The following ZMAT3 variants were observed in gnomAD, a reference collection of about 807,000 sequenced individuals.
The protein encoded by ZMAT3 is zinc finger matrin-type protein 3.
A neutral mutation model predicts 32.3 loss-of-function variants in ZMAT3; 17 were observed. The ratio of observed to expected loss-of-function variants is 0.53; its 90% CI spans 0.36 to 0.79. ZMAT3 has a LOEUF of 0.79. ZMAT3 is among the 30% of genes least tolerant of loss of function. The probability of loss-of-function intolerance (pLI) is 0.00; values close to 1 mark genes in which losing one functional copy is unlikely to be tolerated. For missense variants in ZMAT3, 329 were observed against 359.7 expected (o/e 0.91, Z 0.69); for synonymous variants, 120 against 133.1 (o/e 0.90, Z 0.68).
chr3:179,049,382 C>G (rs1720419030), intron 2 of ZMAT3, among the ~76,000 whole-genome samples: 1 of 152,194 alleles, frequency 6.6e-6, no homozygotes, highest in South Asian at 2.1e-4. Context: ...TTCATCAGCA[C>G]ATGGAACATT....
At chr3:179,042,311 T>C (rs1017201720) in intron 2 of ZMAT3, among the ~76,000 whole-genome samples, 3 of 152,200 alleles carry the variant, frequency 2.0e-5, no homozygotes, top group Admixed American at 6.5e-5. Flanking sequence ...TAAACATGGA[T>C]GCGAAAATCC....
intron 3 of ZMAT3, 32 bp downstream of exon 3, chr3:179,030,848 A>G (rs950706325): frequency 1.1e-5 from 18 of 1,598,966 alleles, no homozygotes; most frequent in Admixed American, 1.7e-5. Context: ...CTTCCACCCT[A>G]ATGCTGCTTC....
chr3:179,036,189 G>A (rs564989606), intron 2 of ZMAT3, among the ~76,000 whole-genome samples: 14 of 152,290 alleles, frequency 9.2e-5, no homozygotes, highest in African/African-American at 3.4e-4. Flanking sequence ...TGGAAGCTGG[G>A]AAGATACACA....
intron 2 of ZMAT3, among the ~76,000 whole-genome samples, chr3:179,054,596 C>T (rs1012146701): frequency 1.3e-5 from 2 of 152,272 alleles, no homozygotes; most frequent in African/African-American, 2.4e-5. Flanking sequence ...TATGAGGCTA[C>T]CCTCTTTGGG....
intron 2 of ZMAT3, among the ~76,000 whole-genome samples, chr3:179,032,064 G>A (rs1415757451): frequency 0.5 from 1 of 2 alleles, no homozygotes; most frequent in Admixed American, 0.5. Context: ...TCCGAGGCTG[G>A]ACTGCTTGCC....
chr3:179,068,454 G>A (rs917733612), intron 1 of ZMAT3, among the ~76,000 whole-genome samples: 2 of 152,072 alleles, frequency 1.3e-5, no homozygotes, highest in Non-Finnish European at 2.9e-5. Flanking sequence ...AGAGGTGGTC[G>A]TGAGCCGAGA....
At position 179,023,437 on chromosome 3, in the gene ZMAT3, T is replaced by C. The variant is rs1321275129; in HGVS notation, c.*1580A>G. The stretch of plus-strand genomic sequence containing the variant: ...GAAACGAAGATAGTGAAACTTTATT[T>C]GCTTTTTAAAAAATTCCTCTGTGTA... On this transcript the variant is annotated 3_prime_UTR_variant, in exon 6 of 6. Coordinates refer to ENST00000311417, the MANE Select transcript of ZMAT3 (RefSeq NM_022470.4). The C allele has an allele frequency of 6.6e-6, 1 of 151,634 alleles. No homozygotes were observed. The highest frequency in any genetic ancestry group is 2.4e-5 in the African/African-American group (1 of 41,324). 9.4% of individuals were successfully genotyped at this position (151,634 alleles called of 1,614,324 possible). A position where few individuals can be genotyped will look rare whatever the true frequency, so the allele number is the denominator to read the frequency against.
chr3:179,067,731 C>T lies in ZMAT3; in HGVS notation c.22G>A (p.Val8Met), dbSNP rs761840300. The T allele has an allele frequency of 8.1e-6, 13 of 1,613,902 alleles. No homozygotes were observed. The highest frequency in any genetic ancestry group is 6.7e-5 in the African/African-American group (5 of 74,884). The stretch of plus-strand genomic sequence containing the variant: ...GAGGGCTGCTTAGGTGGAGGAAGCA[C>T]GGCGTGTTGCAAGAGGATCATTGGG... MILLQHAVLPPPKQPSPS... is the reference protein window; with the variant it reads MILLQHAMLPPPKQPSPS... The change falls in exon 2 of 6, where the codon GTG becomes ATG. Residue 8 changes from valine (V) to methionine (M), a missense_variant. By Grantham distance (21) the Val-to-Met change is conservative. Transcript: ENST00000311417.
chr3:179,045,470 C>T (rs1454281067), intron 2 of ZMAT3, among the ~76,000 whole-genome samples: 1 of 152,052 alleles, frequency 6.6e-6, no homozygotes, highest in African/African-American at 2.4e-5. Context: ...ACTCTAGGGC[C>T]ATGCATGGAA....
At chr3:179,038,951 C>T (rs1007408196) in intron 2 of ZMAT3, among the ~76,000 whole-genome samples, 1 of 152,272 alleles carries the variant, frequency 6.6e-6, no homozygotes, top group Non-Finnish European at 1.5e-5. Context: ...CAGAGCCTCA[C>T]TCACTGCTAG....
chr3:179,057,793 G>C (rs1350734133), intron 2 of ZMAT3, among the ~76,000 whole-genome samples: 1 of 152,214 alleles, frequency 6.6e-6, no homozygotes, highest in Admixed American at 6.5e-5. Flanking sequence ...TTCCTTAACG[G>C]GTTTCTGCCG....
At chr3:179,070,572 G>C (rs918735493) in intron 1 of ZMAT3, among the ~76,000 whole-genome samples, 1 of 152,096 alleles carries the variant, frequency 6.6e-6, no homozygotes, top group Non-Finnish European at 1.5e-5. Context: ...ATAAAACCAA[G>C]TCTTCAGTGA....
At position 179,046,493 on chromosome 3, in the gene ZMAT3, G is replaced by A. The variant is rs952265133; in HGVS notation, c.271-15494C>T. Among the ~76,000 whole-genome samples the A allele has an allele frequency of 3.3e-5, 5 of 152,176 alleles. No homozygotes were observed. Among genetic ancestry groups the A allele is most frequent in the East Asian group, 1.9e-4 (1 of 5,186 alleles). ...TACAGCAGGAACATACCAGGAAAGC[G>A]GAGGGTATTCACAGGCCCTTTGAAG... On this transcript the variant is annotated intron_variant, in intron 2 of 5. Transcript: ENST00000311417. The surrounding 1 kb of genome is among the most constrained non-coding windows in gnomAD (Gnocchi z 4.3).
Position 179,067,521 on chromosome 3 carries a change from T to G in ZMAT3, c.232A>C (p.Thr78Pro), listed in dbSNP as rs749527644. Residue 78 changes from threonine (T) to proline (P), a missense_variant, in exon 2 of 6, where the codon ACC becomes CCC. Thr to Pro is a conservative substitution (Grantham distance 38, BLOSUM62 -1). Coordinates refer to ENST00000311417, the MANE Select transcript of ZMAT3 (RefSeq NM_022470.4). ...TGGGCTTGCTGTGCAGAGTTCAAGG[T>G]GACATTGCAGAGTTTGCAGTACAGG... ...KPLYCKLCNVTLNSAQQAQAH... is the reference protein window; with the variant it reads ...KPLYCKLCNVPLNSAQQAQAH... 18 of 1,614,196 alleles carry G rather than the reference T, an allele frequency of 1.1e-5. No homozygotes were observed. Among genetic ancestry groups the G allele is most frequent in the Non-Finnish European group, 1.5e-5 (18 of 1,180,038 alleles).
At chr3:179,041,607 A>G (rs1719932654) in intron 2 of ZMAT3, among the ~76,000 whole-genome samples, 1 of 152,226 alleles carries the variant, frequency 6.6e-6, no homozygotes, top group Admixed American at 6.5e-5. Flanking sequence ...AATTTATAGC[A>G]CTAAATGCCC....
In ZMAT3 at chr3:179,030,870, CAT is replaced by C. The variant is rs200710125; in HGVS notation, c.390+8_390+9del. 5.2e-3 allele frequency: 8,346 copies of C among 1,606,824 alleles called. 629 individuals are homozygous for C. In the Admixed American group the frequency reaches 0.13, roughly 25 times the overall value. ...CCTAATGCTGCTTCACCCTGACACA[CAT>C]GTCTCACCTGCGGAGGGACTGGAAC... is the stretch of plus-strand genomic sequence containing the variant. On this transcript the variant is annotated splice_region_variant and intron_variant, in intron 3 of 5. Coordinates refer to ENST00000311417, the MANE Select transcript of ZMAT3 (RefSeq NM_022470.4).
intron 2 of ZMAT3, among the ~76,000 whole-genome samples, chr3:179,061,596 G>A (rs1283410552): frequency 6.6e-6 from 1 of 151,046 alleles, no homozygotes; most frequent in Non-Finnish European, 1.5e-5. Context: ...TTTTTTTTAA[G>A]TACCAGAAAC....
At chr3:179,060,995 C>A (rs1721125697) in intron 2 of ZMAT3, among the ~76,000 whole-genome samples, 1 of 151,896 alleles carries the variant, frequency 6.6e-6, no homozygotes, top group Non-Finnish European at 1.5e-5. Flanking sequence ...AGGCACAATG[C>A]AAACATTTTT....
At chr3:179,056,331 A>AGG (rs145326075) in intron 2 of ZMAT3, among the ~76,000 whole-genome samples, 2 of 151,352 alleles carry the variant, frequency 1.3e-5, no homozygotes, top group Non-Finnish European at 2.9e-5. Context: ...TAAAAAAAAA[A>AGG]GGGGGGGTCC....
Sources: gnomAD v4.1 joint callset for allele counts (sites outside exome capture counted in the v4.1 genomes callset) on GRCh38, gnomAD v4.1.1 for gene constraint, Gnocchi (gnomAD v3.1) non-coding constraint, MANE v1.5 for transcripts, NCBI Gene and HGNC (gene_info 2026-07-23, HGNC 2026-07-21) for gene names.